The following NRXN1 variants were observed in gnomAD, a reference collection of about 807,000 sequenced individuals.
The protein encoded by NRXN1 is neurexin 1.
Under a neutral mutation model 150.9 loss-of-function variants are expected in NRXN1, and 39 were observed. The ratio of observed to expected loss-of-function variants is 0.26; its 90% CI spans 0.20 to 0.34. The LOEUF is 0.34. NRXN1 is among the 10% of genes least tolerant of loss of function. The pLI is 1.00. For missense variants in NRXN1, 1,815 were observed against 1,949.9 expected, an observed-to-expected ratio of 0.93 and a Z score of 1.30; for synonymous variants, 924 against 757.0, an observed-to-expected ratio of 1.22 and a Z score of -3.62.
intron 18 of NRXN1, among the ~76,000 whole-genome samples, chr2:50,209,904 A>G (rs1004250552): frequency 6.6e-6 from 1 of 152,076 alleles, no homozygotes; most frequent in Non-Finnish European, 1.5e-5. Context: ...TTAATGAAGT[A>G]TTAAAAAATA....
At position 50,347,788 on chromosome 2, in the gene NRXN1, G is replaced by C; in HGVS notation, c.3365-110818C>G. ...AAAACCACACACGCTGGTGAAGCAA[G>C]GGGCTCTATGCAAATCTGCAGTCTC... On this transcript the variant is annotated intron_variant, in intron 17 of 22. Coordinates refer to ENST00000401669, the MANE Select transcript of NRXN1 (RefSeq NM_001330078.2). This position sits in a 1 kb window ranked among gnomAD's most constrained non-coding sequence, Gnocchi z 4.9. 1 of 986,812 alleles carries C rather than the reference G, an allele frequency of 1.0e-6. No homozygotes were observed. The highest frequency in any genetic ancestry group is 1.2e-6 in the Non-Finnish European group (1 of 830,996). The allele number at this position is 986,812 out of a possible 1,614,324, so 61.1% of individuals were successfully genotyped here.
chr2:50,473,914 A>G (rs1250590234), intron 15 of NRXN1, among the ~76,000 whole-genome samples: 1 of 152,032 alleles, frequency 6.6e-6, no homozygotes, highest in African/African-American at 2.4e-5. Flanking sequence ...AAATTGAAAT[A>G]GAGGAATCAT....
chr2:50,742,194 T>C (rs954788684), intron 5 of NRXN1, among the ~76,000 whole-genome samples: 4 of 152,098 alleles, frequency 2.6e-5, no homozygotes, highest in Non-Finnish European at 4.4e-5. Context: ...TTTGACTAAA[T>C]GTTTCAAAGA....
At chr2:50,786,942 AGGT>A (rs1337830616) in intron 5 of NRXN1, among the ~76,000 whole-genome samples, 1 of 152,172 alleles carries the variant, frequency 6.6e-6, no homozygotes, top group Non-Finnish European at 1.5e-5. Flanking sequence ...TTTTAATTAA[AGGT>A]GACAAAACAG....
At position 50,317,255 on chromosome 2, in the gene NRXN1, T is replaced by C. The variant is rs148085483; in HGVS notation, c.3365-80285A>G. On this transcript the variant is annotated intron_variant, in intron 17 of 22. Transcript: ENST00000401669. Reference sequence around the variant, plus strand: ...TTGATTAATTAGACAAATCCTAATATCAGGAAGCCCAGTGAATCCAAAGCA... The same window carrying C: ...TTGATTAATTAGACAAATCCTAATACCAGGAAGCCCAGTGAATCCAAAGCA... Among the ~76,000 whole-genome samples the C allele has an allele frequency of 3.1e-3, 472 of 151,938 alleles. 6 individuals carry two copies. The highest frequency in any genetic ancestry group is 5.4e-3 in the Non-Finnish European group (364 of 67,888).
At chr2:49,972,071 C>T (rs1482759588) in intron 21 of NRXN1, among the ~76,000 whole-genome samples, 1 of 152,152 alleles carries the variant, frequency 6.6e-6, no homozygotes, top group Non-Finnish European at 1.5e-5. Flanking sequence ...GTTTCTGTTA[C>T]ATTTTAGAAG....
chr2:50,407,712 C>T (rs2082854535), intron 17 of NRXN1, among the ~76,000 whole-genome samples: 1 of 152,002 alleles, frequency 6.6e-6, no homozygotes, highest in South Asian at 2.1e-4. Flanking sequence ...TGATGCCCTG[C>T]ACCACCTCAC....
At chr2:50,521,900 G>C (rs933668308) in intron 12 of NRXN1, among the ~76,000 whole-genome samples, 1 of 152,104 alleles carries the variant, frequency 6.6e-6, no homozygotes, top group Non-Finnish European at 1.5e-5. Flanking sequence ...AGTAGCTTAT[G>C]GGGCGACCTG....
chr2:49,973,076 C>T (rs939857050), intron 21 of NRXN1: 1 of 152,164 alleles, frequency 6.6e-6, no homozygotes, highest in Non-Finnish European at 1.5e-5. Context: ...AGGAGGGTAT[C>T]AAACAATTCC....
chr2:50,437,438 T>C (rs1423314102), intron 17 of NRXN1, among the ~76,000 whole-genome samples: 1 of 152,218 alleles, frequency 6.6e-6, no homozygotes, highest in Non-Finnish European at 1.5e-5. Context: ...CAAGTCCCAG[T>C]GTTATTTTCA....
At chr2:50,381,550 C>G (rs1032029709) in intron 17 of NRXN1, among the ~76,000 whole-genome samples, 103 of 151,316 alleles carry the variant, frequency 6.8e-4, no homozygotes, top group Non-Finnish European at 8.9e-4. Context: ...CACACACACA[C>G]ACACACACAC....
At chr2:50,631,282 C>G in intron 5 of NRXN1, 1 of 314,830 alleles carries the variant, frequency 3.2e-6, no homozygotes, top group South Asian at 2.7e-5. Flanking sequence ...CTTAGGTAAA[C>G]CTCGAGACCA....
chr2:50,090,099 T>C (rs1699362825), intron 19 of NRXN1, among the ~76,000 whole-genome samples: 1 of 151,804 alleles, frequency 6.6e-6, no homozygotes, highest in Admixed American at 6.5e-5. Flanking sequence ...CATAGAGCAG[T>C]TTTTTTATTA....
At chr2:50,775,547 T>C (rs182221678) in intron 5 of NRXN1, among the ~76,000 whole-genome samples, 192 of 152,298 alleles carry the variant, frequency 1.3e-3, no homozygotes, top group African/African-American at 4.4e-3. Context: ...AGTTCCTGTT[T>C]ATGACTTTGC....
chr2:50,782,133 A>G (rs1203108849), intron 5 of NRXN1, among the ~76,000 whole-genome samples: 1 of 151,690 alleles, frequency 6.6e-6, no homozygotes. Flanking sequence ...TCTAACTCTA[A>G]TAATAAATGG....
rs547047901 is a variant in NRXN1 at position 50,428,039 on chromosome 2, T to C, written c.3364+37403A>G. On this transcript the variant is annotated intron_variant, in intron 17 of 22. Transcript: ENST00000401669. ...TTCCTCTTCTTTATAGGCAATCTTCTGATGCTTGCTTTTCCTGAAAGAACT... is the reference window on the plus strand; with the variant it reads ...TTCCTCTTCTTTATAGGCAATCTTCCGATGCTTGCTTTTCCTGAAAGAACT... 7.9e-5 allele frequency among the ~76,000 whole-genome samples: 12 copies of C among 152,170 alleles called. 1 individual carries two copies. In the South Asian group the frequency reaches 2.5e-3, roughly 32 times the overall value.
rs1275062432 is a variant in NRXN1, at chr2:50,541,811, T to C, written c.1760-3175A>G. On this transcript the variant is annotated intron_variant, in intron 9 of 22. Coordinates refer to ENST00000401669, the MANE Select transcript of NRXN1 (RefSeq NM_001330078.2). ...TATTTTCTCTCTCATCATATCATTT[T>C]ATTAAAACAAATGCTGGACCATCAA... Among the ~76,000 whole-genome samples the C allele has an allele frequency of 2.8e-4, 43 of 152,198 alleles. 1 individual carries two copies. The highest frequency in any genetic ancestry group is 2.8e-3 in the Admixed American group (43 of 15,270).
chr2:50,044,790 T>C (rs982387799), intron 21 of NRXN1, among the ~76,000 whole-genome samples: 7 of 152,202 alleles, frequency 4.6e-5, no homozygotes, highest in Non-Finnish European at 7.3e-5. Flanking sequence ...TAATAATACC[T>C]AGCAAAGTGT....
At chr2:50,384,505 CAAAAAAAAAAA>C (rs56052881) in intron 17 of NRXN1, among the ~76,000 whole-genome samples, 4 of 55,960 alleles carry the variant, frequency 7.1e-5, no homozygotes, top group Non-Finnish European at 7.1e-5. Context: ...GACTCCATCT[CAAAAAAAAAAA>C]AAAAAAAAAA....
Sources: gnomAD v4.1 joint callset for allele counts (sites outside exome capture counted in the v4.1 genomes callset) on GRCh38, gnomAD v4.1.1 for gene constraint, Gnocchi (gnomAD v3.1) non-coding constraint, MANE v1.5 for transcripts, NCBI Gene and HGNC (gene_info 2026-07-23, HGNC 2026-07-21) for gene names.